The following NME7 variants were observed in gnomAD, a reference collection of about 807,000 sequenced individuals.
The protein encoded by NME7 is nucleoside diphosphate kinase 7.
NME7 carries 41 observed loss-of-function variants against 49.1 expected under a neutral mutation model. The observed-to-expected ratio is 0.83, with a 90% CI of 0.65 to 1.08. NME7 has a LOEUF of 1.08. Ranked by LOEUF, NME7 falls within the 50% of genes least tolerant of loss-of-function variation. The probability of loss-of-function intolerance (pLI) is 0.00; values close to 1 mark genes in which losing one functional copy is unlikely to be tolerated. For synonymous variants in NME7, 139 were observed against 150.6 expected (o/e 0.92, Z 0.56); for missense variants, 423 against 463.4 (o/e 0.91, Z 0.80).
chr1:169,190,954 A>C lies in NME7; in HGVS notation c.991-21400T>G, dbSNP rs1208415599. On this transcript the variant is annotated intron_variant, in intron 10 of 11. Transcript: ENST00000367811. ...CAGCCTCCCGAGTAGCTGGGACTAC[A>C]GGCGCCCGCCACTACGCCCGGCTAA... 8.0e-5 allele frequency among the ~76,000 whole-genome samples: 9 copies of C among 112,064 alleles called. 1 individual carries two copies. The highest frequency in any genetic ancestry group is 1.8e-4 in the Non-Finnish European group (9 of 51,112). The allele number at this position is 112,064 out of a possible 152,430, so 73.5% of individuals were successfully genotyped here.
chr1:169,303,287 C>T (rs1273672395), intron 4 of NME7, 92 bp from the exon 5 acceptor site: 2 of 531,388 alleles, frequency 3.8e-6, no homozygotes, highest in Non-Finnish European at 6.3e-6. Flanking sequence ...ATAAAATCCT[C>T]TCAATTTATA....
At chr1:169,158,327 G>A (rs1659143448) in intron 11 of NME7, among the ~76,000 whole-genome samples, 1 of 152,118 alleles carries the variant, frequency 6.6e-6, no homozygotes, top group African/African-American at 2.4e-5. Context: ...ACAATATACT[G>A]TAATATTTCC....
intron 6 of NME7, among the ~76,000 whole-genome samples, chr1:169,293,653 C>A (rs547307344): frequency 1.7e-4 from 26 of 152,126 alleles, no homozygotes; most frequent in Admixed American, 7.9e-4. Flanking sequence ...TCTTTTTCTC[C>A]CTCTTCAAAA....
At chr1:169,279,282 C>A (rs1378945025) in intron 7 of NME7, among the ~76,000 whole-genome samples, 1 of 152,222 alleles carries the variant, frequency 6.6e-6, no homozygotes, top group Non-Finnish European at 1.5e-5. Flanking sequence ...CTGTGCTCTG[C>A]CCCCAGAGGT....
chr1:169,359,815 T>C (rs939080568), intron 1 of NME7, among the ~76,000 whole-genome samples: 1 of 152,204 alleles, frequency 6.6e-6, no homozygotes, highest in African/African-American at 2.4e-5. Flanking sequence ...TATAGAAATA[T>C]GAAGAAGGCA....
chr1:169,276,788 A>G lies in NME7; in HGVS notation c.754+10515T>C, dbSNP rs534377455. 1.5e-5 allele frequency among the ~76,000 whole-genome samples: 2 copies of G among 134,502 alleles called. 1 individual carries two copies. Among genetic ancestry groups the G allele is most frequent in the South Asian group, 4.7e-4 (2 of 4,240 alleles). 88.2% of individuals were successfully genotyped at this position (134,502 alleles called of 152,430 possible). On this transcript the variant is annotated intron_variant, in intron 7 of 11. Transcript: ENST00000367811. ...CTTTTAATTGTGATGTTAGGGTGTC[A>G]ATTTTGGATCTTTCCTGCTTTCTCT...
At chr1:169,244,451 G>T (rs12730920) in intron 7 of NME7, among the ~76,000 whole-genome samples, 1 of 151,562 alleles carries the variant, frequency 6.6e-6, no homozygotes, top group African/African-American at 2.4e-5. Context: ...GGCTAACACG[G>T]TGAAACCTCA....
intron 1 of NME7, among the ~76,000 whole-genome samples, chr1:169,354,644 T>A (rs148853968): frequency 3.0e-4 from 44 of 147,804 alleles, no homozygotes; most frequent in African/African-American, 1.0e-3. Context: ...CATATTTATA[T>A]ATTAAAGTAT....
At chr1:169,249,906 G>A (rs1170238905) in intron 7 of NME7, among the ~76,000 whole-genome samples, 1 of 151,948 alleles carries the variant, frequency 6.6e-6, no homozygotes, top group Admixed American at 6.6e-5. Context: ...TTGCATCTAT[G>A]TTCATCAGGG....
intron 3 of NME7, among the ~76,000 whole-genome samples, chr1:169,319,139 C>A (rs1164625629): frequency 6.6e-6 from 1 of 151,382 alleles, no homozygotes; most frequent in Non-Finnish European, 1.5e-5. Context: ...ATACTGTAAT[C>A]CTGCTAAACT....
intron 11 of NME7, among the ~76,000 whole-genome samples, chr1:169,133,274 A>ATAAT (rs565963630): frequency 0.011 from 1,649 of 152,356 alleles, 40 homozygotes; most frequent in African/African-American, 0.038. Context: ...TTTTCCAGCT[A>ATAAT]TAATTATTAA....
chr1:169,207,761 A>C (rs543272471), intron 10 of NME7, among the ~76,000 whole-genome samples: 5 of 152,252 alleles, frequency 3.3e-5, no homozygotes, highest in South Asian at 4.1e-4. Context: ...AAAGCATAGA[A>C]GCCTCCAAAT....
At chr1:169,134,758 TA>T (rs1391762783) in intron 11 of NME7, among the ~76,000 whole-genome samples, 1 of 152,074 alleles carries the variant, frequency 6.6e-6, no homozygotes, top group East Asian at 1.9e-4. Flanking sequence ...AGCAGTAAAA[TA>T]AATTTGTTCA....
chr1:169,167,484 C>A (rs2101841185), intron 11 of NME7, among the ~76,000 whole-genome samples: 1 of 151,834 alleles, frequency 6.6e-6, no homozygotes, highest in East Asian at 1.9e-4. Flanking sequence ...TTTCATTTAG[C>A]TTATTTTGAC....
At chr1:169,291,442 T>C (rs1262780209) in intron 6 of NME7, among the ~76,000 whole-genome samples, 4 of 152,090 alleles carry the variant, frequency 2.6e-5, no homozygotes, top group Admixed American at 6.6e-5. Context: ...TTCTCACTCA[T>C]ATGTGGGAGT....
chr1:169,348,761 G>T (rs1197709037), intron 1 of NME7, among the ~76,000 whole-genome samples: 2 of 151,954 alleles, frequency 1.3e-5, no homozygotes, highest in African/African-American at 4.8e-5. Context: ...ATTTTGCAGA[G>T]CCCTAGTCAA....
intron 7 of NME7, chr1:169,286,029 C>T (rs1650263887): frequency 6.6e-6 from 1 of 152,044 alleles, no homozygotes; most frequent in Non-Finnish European, 1.5e-5. Flanking sequence ...AAATACCATA[C>T]TACATCTATA....
At chr1:169,210,759 T>C (rs528798690) in intron 10 of NME7, among the ~76,000 whole-genome samples, 4 of 151,758 alleles carry the variant, frequency 2.6e-5, no homozygotes, top group Non-Finnish European at 4.4e-5. Context: ...GGGGAGGAGG[T>C]TCTGTAATCA....
At chr1:169,212,269 AACTTT>A (rs1292489300) in intron 10 of NME7, among the ~76,000 whole-genome samples, 4 of 152,132 alleles carry the variant, frequency 2.6e-5, no homozygotes, top group African/African-American at 7.2e-5. Flanking sequence ...TTTACTTAAT[AACTTT>A]ACTTAATAAA....
Sources: allele counts gnomAD v4.1 joint callset (sites outside exome capture counted in the v4.1 genomes callset), GRCh38; gene constraint gnomAD v4.1.1; transcripts MANE v1.5; gene names NCBI Gene and HGNC (gene_info 2026-07-23, HGNC 2026-07-21).